Variants in CHFR observed in about 807,000 individuals in gnomAD.
CHFR encodes the protein E3 ubiquitin-protein ligase CHFR.
Under a neutral mutation model 87.6 loss-of-function variants are expected in CHFR, and 57 were observed. That is an observed-to-expected ratio of 0.65 (90% CI 0.53 to 0.81). CHFR has a LOEUF of 0.81. Ranked by LOEUF, CHFR falls within the 30% of genes least tolerant of loss-of-function variation. The pLI is 0.00. For missense variants in CHFR, 797 were observed against 865.8 expected (o/e 0.92, Z 1.00); for synonymous variants, 381 against 359.2 (o/e 1.06, Z -0.69).
chr12:132,847,989 T>G (rs1593451624), intron 14 of CHFR, 96 bp downstream of exon 14: 1 of 1,581,580 alleles, frequency 6.3e-7, no homozygotes, highest in Non-Finnish European at 8.6e-7. Flanking sequence ...GCGGGTCAGG[T>G]AAAACAGATA....
At chr12:132,869,517 G>T in intron 6 of CHFR, 102 bp downstream of exon 6, 2 of 1,046,150 alleles carry the variant, frequency 1.9e-6, no homozygotes, top group Non-Finnish European at 2.8e-6. Context: ...AGAACCTCAT[G>T]CCAGTCCTCA....
chr12:132,847,700 C>T (rs1420284304), intron 14 of CHFR: 22 of 1,110,172 alleles, frequency 2.0e-5, no homozygotes, highest in Middle Eastern at 8.3e-4. Flanking sequence ...GCTTCCTAGA[C>T]GTGGGAAGGC....
intron 2 of CHFR, among the ~76,000 whole-genome samples, chr12:132,884,389 T>C (rs1951838842): frequency 6.7e-6 from 1 of 148,696 alleles, no homozygotes; most frequent in Non-Finnish European, 1.5e-5. Flanking sequence ...CACTACAGCC[T>C]GGGCAATAAG....
intron 14 of CHFR, 82 bp from the exon 15 acceptor site, chr12:132,847,212 A>C: frequency 6.4e-7 from 1 of 1,573,682 alleles, no homozygotes. Context: ...ACATTTCATA[A>C]AAGGCCCCTG....
intron 3 of CHFR, among the ~76,000 whole-genome samples, chr12:132,875,796 T>C (rs1951617559): frequency 6.6e-6 from 1 of 151,940 alleles, no homozygotes; most frequent in Non-Finnish European, 1.5e-5. Flanking sequence ...ATAAGGGAAG[T>C]GACAAAGAAA....
intron 14 of CHFR, 101 bp from the exon 15 acceptor site, chr12:132,847,231 C>A: frequency 3.3e-6 from 5 of 1,521,960 alleles, no homozygotes; most frequent in Non-Finnish European, 4.4e-6. Flanking sequence ...TGAAAGTGTG[C>A]AAAGCCAAAG....
chr12:132,863,649 G>A (rs1042169320), intron 6 of CHFR, among the ~76,000 whole-genome samples: 16 of 152,188 alleles, frequency 1.1e-4, no homozygotes, highest in East Asian at 3.9e-4. Flanking sequence ...GTGTGATAAC[G>A]GGAAGGATAC....
At chr12:132,848,881 C>T (rs1276110696) in intron 12 of CHFR, 157 bp from the exon 13 acceptor site, 1 of 595,088 alleles carries the variant, frequency 1.7e-6, no homozygotes, top group South Asian at 2.2e-5. Context: ...GCTAACGCCA[C>T]CCAGGTTGTG....
chr12:132,844,520 G>GGA (rs1311817967), intron 15 of CHFR, among the ~76,000 whole-genome samples: 1 of 117,316 alleles, frequency 8.5e-6, no homozygotes, highest in Non-Finnish European at 2.2e-5. Flanking sequence ...TCCTGACCTC[G>GGA]TGATCCACCC....
At chr12:132,869,865 C>T (rs1015932144) in intron 5 of CHFR, 67 bp from the exon 6 acceptor site, 3 of 1,519,576 alleles carry the variant, frequency 2.0e-6, no homozygotes, top group Non-Finnish European at 2.7e-6. Context: ...AAGCAGCACA[C>T]AACCAGGGCT....
chr12:132,841,886 C>T (rs553476481), intron 17 of CHFR, among the ~76,000 whole-genome samples: 1 of 152,192 alleles, frequency 6.6e-6, no homozygotes, highest in South Asian at 2.1e-4. Context: ...GCGGGCGGAT[C>T]ACTTGAGGTC....
In CHFR at chr12:132,869,746, C is replaced by T. The variant is rs199790262; in HGVS notation, c.456G>A (p.Ser152=). ...GRGADPRVPP[S]SPATQVCFEE... The stretch of plus-strand genomic sequence containing the variant: ...CAAAGCACACCTGAGTGGCGGGCGA[C>T]GACGGAGGGACCCGGGGATCGGCCC... Residue 152 remains serine, a synonymous_variant, in exon 6 of 18, where the codon TCG becomes TCA. Transcript: ENST00000450056. 5.2e-5 allele frequency: 80 copies of T among 1,551,440 alleles called. 1 individual carries two copies. The highest frequency in any genetic ancestry group is 3.8e-4 in the South Asian group (32 of 84,062).
chr12:132,885,319 A>C (rs1171348635), intron 2 of CHFR, among the ~76,000 whole-genome samples: 2 of 147,174 alleles, frequency 1.4e-5, no homozygotes, highest in Non-Finnish European at 3.0e-5. Context: ...GCTGAGGCAG[A>C]AGAATGGCAA....
At chr12:132,878,763 T>G (rs1487807893) in intron 2 of CHFR, among the ~76,000 whole-genome samples, 33 of 139,162 alleles carry the variant, frequency 2.4e-4, no homozygotes, top group African/African-American at 8.8e-4. Context: ...GAGCTTGCAG[T>G]GAGCCGATAT....
chr12:132,856,266 C>G (rs1232936723), intron 10 of CHFR, among the ~76,000 whole-genome samples: 3 of 152,222 alleles, frequency 2.0e-5, no homozygotes, highest in African/African-American at 7.2e-5. Flanking sequence ...TAAGTGTTCA[C>G]CCAGTCCCTG....
Position 132,840,232 on chromosome 12 carries a change from C to T in CHFR, c.*1322G>A, listed in dbSNP as rs1950685233. The T allele has an allele frequency of 2.0e-5, 3 of 152,382 alleles. No homozygotes were observed. Among genetic ancestry groups the T allele is most frequent in the Admixed American group, 2.0e-4 (3 of 15,290 alleles). The allele number at this position is 152,382 out of a possible 1,614,324, so 9.4% of individuals were successfully genotyped here. A position where few individuals can be genotyped will look rare whatever the true frequency, so the allele number is the denominator to read the frequency against. On this transcript the variant is annotated 3_prime_UTR_variant, in exon 18 of 18. Transcript: ENST00000450056. Reference sequence around the variant, plus strand: ...AGGTTTCACAGGAGTCACTGAGGGACAGCAGGTGACAGAGTGACCATCACT... The same window carrying T: ...AGGTTTCACAGGAGTCACTGAGGGATAGCAGGTGACAGAGTGACCATCACT...
At chr12:132,870,690 C>T (rs552703883) in intron 5 of CHFR, 34 bp downstream of exon 5, 1 of 1,467,196 alleles carries the variant, frequency 6.8e-7, no homozygotes, top group Non-Finnish European at 9.5e-7. Flanking sequence ...TAGCTCCTAA[C>T]ATGCACCCAC....
chr12:132,867,745 C>T (rs549816985), intron 6 of CHFR: 2 of 152,212 alleles, frequency 1.3e-5, no homozygotes, highest in South Asian at 4.2e-4. Flanking sequence ...GAGCCAAGCA[C>T]TCCAGGACTA....
intron 12 of CHFR, chr12:132,848,958 T>C: frequency 3.8e-6 from 2 of 519,984 alleles, no homozygotes; most frequent in Non-Finnish European, 6.9e-6. Flanking sequence ...TGGTTTGTTA[T>C]TTTTTAGAGA....
Sources: gnomAD v4.1 joint callset for allele counts (sites outside exome capture counted in the v4.1 genomes callset) on GRCh38, gnomAD v4.1.1 for gene constraint, MANE v1.5 for transcripts, NCBI Gene and HGNC (gene_info 2026-07-23, HGNC 2026-07-21) for gene names.